The following ATCAY variants were observed in gnomAD, a reference collection of about 807,000 sequenced individuals.
ATCAY encodes the protein caytaxin.
Under a neutral mutation model 47.7 loss-of-function variants are expected in ATCAY, and 22 were observed. The ratio of observed to expected loss-of-function variants is 0.46; its 90% CI spans 0.33 to 0.66. ATCAY has a LOEUF of 0.66. Ranked by LOEUF, ATCAY falls within the 30% of genes least tolerant of loss-of-function variation. The pLI is 0.02. For synonymous variants in ATCAY, 216 were observed against 207.6 expected (o/e 1.04, Z -0.35); for missense variants, 452 against 515.0 (o/e 0.88, Z 1.18).
chr19:3,903,128 C>G (rs1439264806), intron 3 of ATCAY, among the ~76,000 whole-genome samples: 1 of 152,060 alleles, frequency 6.6e-6, no homozygotes. Flanking sequence ...TGCACACCAC[C>G]ATGGCTGGCT....
In ATCAY at chr19:3,907,586, G is replaced by T; in HGVS notation, c.359-148G>T. On this transcript the variant is annotated intron_variant, in intron 4 of 12. Coordinates refer to ENST00000450849, the MANE Select transcript of ATCAY (RefSeq NM_033064.5). The surrounding 1 kb of genome is among the most constrained non-coding windows in gnomAD (Gnocchi z 5.1). ...TGAAAGGGGAGTAGGAGAGGAAAAT[G>T]GGTCAGCAGGGCAGCCAGGTGGGGA... 1.1e-6 allele frequency: 1 copy of T among 916,376 alleles called. No individual in the cohort carries two copies. The allele number at this position is 916,376 out of a possible 1,614,324, so 56.8% of individuals were successfully genotyped here. A position where few individuals can be genotyped will look rare whatever the true frequency, so the allele number is the denominator to read the frequency against.
At chr19:3,898,721 C>T (rs1029349754) in intron 2 of ATCAY, among the ~76,000 whole-genome samples, 1 of 151,978 alleles carries the variant, frequency 6.6e-6, no homozygotes, top group African/African-American at 2.4e-5. Context: ...CTCACTCTGT[C>T]CCCAGGCTGG....
intron 8 of ATCAY, among the ~76,000 whole-genome samples, chr19:3,913,151 G>A (rs1393760839): frequency 1.3e-5 from 2 of 152,012 alleles, no homozygotes; most frequent in African/African-American, 4.8e-5. Context: ...GCCGAGAGTG[G>A]TGGTGCATGC....
chr19:3,909,996 G>A (rs2038909870), intron 7 of ATCAY, among the ~76,000 whole-genome samples: 1 of 152,112 alleles, frequency 6.6e-6, no homozygotes, highest in African/African-American at 2.4e-5. Context: ...AGCTGAGGCA[G>A]GAGAATCACT....
In ATCAY at chr19:3,926,530, C is replaced by T. The variant is rs1372081809; in HGVS notation, c.*1938C>T. On this transcript the variant is annotated 3_prime_UTR_variant, in exon 13 of 13. Coordinates refer to ENST00000450849, the MANE Select transcript of ATCAY (RefSeq NM_033064.5). ...TTAACTGAGCCTCAGTGAAAGCGTC[C>T]AGTGCATCTTGACCTGAGACAGCAA... is the stretch of plus-strand genomic sequence containing the variant. 1 of 152,224 alleles carries T rather than the reference C, an allele frequency of 6.6e-6. No homozygotes were observed. The highest frequency in any genetic ancestry group is 1.5e-5 in the Non-Finnish European group (1 of 68,062). The allele number at this position is 152,224 out of a possible 1,614,324, so 9.4% of individuals were successfully genotyped here.
At chr19:3,887,986 A>G (rs150647734) in intron 2 of ATCAY, among the ~76,000 whole-genome samples, 13,063 of 151,682 alleles carry the variant, frequency 0.086, 604 homozygotes, top group African/African-American at 0.13. Flanking sequence ...ATGGTGGTGC[A>G]CGCCTGTAAT....
At chr19:3,924,543 A>T in intron 12 of ATCAY, 40 bp from the exon 13 acceptor site, 1 of 1,613,592 alleles carries the variant, frequency 6.2e-7, no homozygotes, top group Non-Finnish European at 8.5e-7. Flanking sequence ...CACTTTTAAC[A>T]TTAACAGCAA....
rs780190631 is a variant in ATCAY, at chr19:3,913,772, A to G, written c.881A>G (p.Asn294Ser). 1.2e-6 allele frequency: 2 copies of G among 1,613,776 alleles called. No individual in the cohort carries two copies. Among genetic ancestry groups the G allele is most frequent in the African/African-American group, 1.3e-5 (1 of 74,990 alleles). ...CCCCCCGCCAGCGTCAAGTTCATCA[A>G]CAAGATCCAGTACGTGCACAGCTTG... ...SRPFISVKFI[N>S]KIQYVHSLED... The change falls in exon 9 of 13, where the codon AAC becomes AGC. Residue 294 changes from asparagine to serine, a missense_variant. By Grantham distance (46) the Asn-to-Ser change is conservative (BLOSUM62 1). Transcript: ENST00000450849.
At chr19:3,895,255 G>T (rs986883343) in intron 2 of ATCAY, 1 of 454,164 alleles carries the variant, frequency 2.2e-6, no homozygotes, top group Non-Finnish European at 4.4e-6. Flanking sequence ...TCACTCTGTC[G>T]CCAGGCTGGA....
chr19:3,906,252 G>A lies in ATCAY; in HGVS notation c.358+597G>A, dbSNP rs183199364. Among the ~76,000 whole-genome samples, 290 of 150,892 alleles carry A rather than the reference G, an allele frequency of 1.9e-3. 1 individual carries two copies. Among genetic ancestry groups the A allele is most frequent in the African/African-American group, 6.9e-3 (284 of 41,168 alleles). ...ACAGAAGGAATAAGTTCTATTGTTC[G>A]ATAGCAGAATAGGAGGGGTGCCAGG... On this transcript the variant is annotated intron_variant, in intron 4 of 12. Transcript: ENST00000450849.
At chr19:3,913,432 G>A (rs564180840) in intron 8 of ATCAY, among the ~76,000 whole-genome samples, 1 of 152,314 alleles carries the variant, frequency 6.6e-6, no homozygotes, top group East Asian at 1.9e-4. Flanking sequence ...AACTTTTAGA[G>A]ATGATGGGAA....
chr19:3,885,890 C>T (rs1445096873), intron 2 of ATCAY, 46 bp downstream of exon 2: 4 of 1,541,932 alleles, frequency 2.6e-6, no homozygotes, highest in Admixed American at 3.9e-5. Context: ...GAGCAGGTGT[C>T]TCTCCCAGGT....
chr19:3,886,152 AG>A (rs1422558704), intron 2 of ATCAY, among the ~76,000 whole-genome samples: 1 of 152,168 alleles, frequency 6.6e-6, no homozygotes, highest in East Asian at 1.9e-4. Flanking sequence ...CCATTTTAAG[AG>A]TTCTTAACAT....
Position 3,907,629 on chromosome 19 carries a change from G to T in ATCAY, c.359-105G>T. 1 of 1,379,304 alleles carries T rather than the reference G, an allele frequency of 7.3e-7. No individual in the cohort carries two copies. Among genetic ancestry groups the T allele is most frequent in the Non-Finnish European group, 1.0e-6 (1 of 1,000,216 alleles). 85.4% of individuals were successfully genotyped at this position (1,379,304 alleles called of 1,614,324 possible). A position where few individuals can be genotyped will look rare whatever the true frequency, so the allele number is the denominator to read the frequency against. On this transcript the variant is annotated intron_variant, in intron 4 of 12. Coordinates refer to ENST00000450849, the MANE Select transcript of ATCAY (RefSeq NM_033064.5). The surrounding 1 kb of genome is among the most constrained non-coding windows in gnomAD (Gnocchi z 5.1). The stretch of plus-strand genomic sequence containing the variant: ...GGTGGGGAGAAGCGAAGGACTTGTG[G>T]GTCCCGGCAGCGAGGGAGGTGGGAG...
intron 12 of ATCAY, chr19:3,922,065 CA>C: frequency 1.5e-6 from 1 of 678,218 alleles, no homozygotes; most frequent in South Asian, 1.6e-5. Flanking sequence ...AAAGTGCTGC[CA>C]ACTAGAGAAG....
intron 2 of ATCAY, among the ~76,000 whole-genome samples, chr19:3,887,721 C>G (rs551116310): frequency 2.0e-5 from 3 of 150,324 alleles, no homozygotes; most frequent in Admixed American, 2.0e-4. Flanking sequence ...CGTCTGACCT[C>G]GTGATCCGCC....
Position 3,922,420 on chromosome 19 carries a change from A to G in ATCAY, c.1106+1622A>G, listed in dbSNP as rs138179065. Among the ~76,000 whole-genome samples the G allele has an allele frequency of 8.5e-3, 1,294 of 152,340 alleles. 25 individuals carry two copies. The highest frequency in any genetic ancestry group is 0.03 in the African/African-American group (1,227 of 41,588). On this transcript the variant is annotated intron_variant, in intron 12 of 12. Coordinates refer to ENST00000450849, the MANE Select transcript of ATCAY (RefSeq NM_033064.5). ...CTGAGCAAAGGGGGGAAAGCCCCTT[A>G]TAAAACCATCAGATCTCGTGAGAAC...
intron 2 of ATCAY, among the ~76,000 whole-genome samples, chr19:3,896,536 G>A (rs987784161): frequency 1.4e-5 from 2 of 145,482 alleles, no homozygotes; most frequent in African/African-American, 5.1e-5. Flanking sequence ...CAAAGTGCCG[G>A]GATTACAGGC....
chr19:3,920,685 TAA>T, intron 11 of ATCAY, 79 bp from the exon 12 acceptor site: 1 of 1,226,438 alleles, frequency 8.2e-7, no homozygotes, highest in Non-Finnish European at 1.1e-6. Context: ...AAAAATAAAA[TAA>T]GTTAAAGAAA....
Sources: gnomAD v4.1 joint callset for allele counts (sites outside exome capture counted in the v4.1 genomes callset) on GRCh38, gnomAD v4.1.1 for gene constraint, Gnocchi (gnomAD v3.1) non-coding constraint, MANE v1.5 for transcripts, NCBI Gene and HGNC (gene_info 2026-07-23, HGNC 2026-07-21) for gene names.